Variants in AFG3L2 observed in about 807,000 individuals in gnomAD.
AFG3L2 encodes AFG3 like matrix AAA peptidase subunit 2.
A neutral mutation model predicts 94.5 loss-of-function variants in AFG3L2; 54 were observed. The observed-to-expected ratio is 0.57, with a 90% CI of 0.46 to 0.72. The LOEUF is 0.72. Among genes scored for constraint, AFG3L2 ranks in the 30% least tolerant of loss-of-function variants. The pLI is 0.00. For synonymous variants in AFG3L2, 377 were observed against 365.5 expected (o/e 1.03, Z -0.36); for missense variants, 754 against 994.9 (o/e 0.76, Z 3.26).
intron 16 of AFG3L2, among the ~76,000 whole-genome samples, chr18:12,331,808 A>AATAAATATATAT (rs1389928934): frequency 1.4e-5 from 2 of 146,334 alleles, no homozygotes; most frequent in African/African-American, 5.3e-5. Context: ...TAAATAAATA[A>AATAAATATATAT]ATATATATAT....
chr18:12,329,506 G>T lies in AFG3L2; in HGVS notation c.*59C>A. Reference sequence around the variant, plus strand: ...TCCCATTCTTCTGAAAGCCACAGCTGAAATAATGCACCAGCTGAAACCACA... The same window carrying T: ...TCCCATTCTTCTGAAAGCCACAGCTTAAATAATGCACCAGCTGAAACCACA... On this transcript the variant is annotated 3_prime_UTR_variant, in exon 17 of 17. Transcript: ENST00000269143. The T allele has an allele frequency of 6.5e-7, 1 of 1,541,264 alleles. No individual in the cohort carries two copies. The highest frequency in any genetic ancestry group is 9.0e-7 in the Non-Finnish European group (1 of 1,115,192).
chr18:12,374,009 T>C (rs1366925957), intron 1 of AFG3L2, among the ~76,000 whole-genome samples: 2 of 152,180 alleles, frequency 1.3e-5, no homozygotes, highest in Non-Finnish European at 2.9e-5. Context: ...AGCAAGTCTT[T>C]ATATCACCAT....
At chr18:12,344,681 A>G (rs1908074468) in intron 13 of AFG3L2, among the ~76,000 whole-genome samples, 1 of 151,428 alleles carries the variant, frequency 6.6e-6, no homozygotes, top group South Asian at 2.1e-4. Context: ...CTCAAAAAAA[A>G]AAAAAATTAA....
chr18:12,365,993 G>A (rs1005628586), intron 5 of AFG3L2, among the ~76,000 whole-genome samples: 2 of 149,842 alleles, frequency 1.3e-5, no homozygotes, highest in Non-Finnish European at 2.9e-5. Flanking sequence ...TCCTGCCTCA[G>A]ACTCCCAAAT....
intron 6 of AFG3L2, chr18:12,360,308 C>A (rs2143197212): frequency 4.6e-6 from 2 of 437,484 alleles, no homozygotes; most frequent in South Asian, 6.4e-5. Context: ...ACTCAAAAAA[C>A]AGAATGAAAA....
chr18:12,361,618 G>A (rs993602520), intron 6 of AFG3L2, among the ~76,000 whole-genome samples: 3 of 152,200 alleles, frequency 2.0e-5, no homozygotes, highest in African/African-American at 7.2e-5. Flanking sequence ...CTGCACTCCA[G>A]CCTGGGCGAC....
At chr18:12,339,063 C>A (rs1907848697) in intron 15 of AFG3L2, among the ~76,000 whole-genome samples, 1 of 150,402 alleles carries the variant, frequency 6.6e-6, no homozygotes, top group South Asian at 2.1e-4. Flanking sequence ...ACCATCCTGG[C>A]TAACACAGTG....
intron 16 of AFG3L2, 126 bp from the exon 17 acceptor site, chr18:12,329,909 T>C: frequency 1.2e-6 from 1 of 820,950 alleles, no homozygotes; most frequent in Non-Finnish European, 2.0e-6. Flanking sequence ...AGATGTCTCA[T>C]ACATAAGGTT....
intron 3 of AFG3L2, among the ~76,000 whole-genome samples, chr18:12,368,323 C>G (rs114653966): frequency 0.029 from 4,377 of 152,220 alleles, 203 homozygotes; most frequent in African/African-American, 0.1. Context: ...TGTACCACTG[C>G]ACTCCAGCCT....
intron 9 of AFG3L2, 84 bp from the exon 10 acceptor site, chr18:12,353,242 C>G: frequency 6.5e-7 from 1 of 1,537,012 alleles, no homozygotes; most frequent in Non-Finnish European, 8.9e-7. Context: ...CGGCCGGGCA[C>G]AGTGGCTCAT....
At chr18:12,370,664 G>A (rs1319214062) in intron 3 of AFG3L2, among the ~76,000 whole-genome samples, 185 bp downstream of exon 3, 1 of 151,810 alleles carries the variant, frequency 6.6e-6, no homozygotes, top group East Asian at 1.9e-4. Context: ...TCACCACATT[G>A]CCCAGGCTGG....
intron 9 of AFG3L2, among the ~76,000 whole-genome samples, chr18:12,355,339 A>G (rs528800191): frequency 6.6e-6 from 1 of 152,358 alleles, no homozygotes; most frequent in Admixed American, 6.5e-5. Flanking sequence ...AGCATATACA[A>G]GATGTTCAAC....
intron 16 of AFG3L2, among the ~76,000 whole-genome samples, chr18:12,331,813 ATATATATATATATATATATATATATAT>A (rs1907538882): frequency 3.3e-4 from 1 of 3,024 alleles, no homozygotes; most frequent in African/African-American, 4.5e-4. Flanking sequence ...AAATAAATAT[ATATATATATATATATATATATATATAT>A]ATATATATAT....
At position 12,367,292 on chromosome 18, in the gene AFG3L2, C is replaced by T; in HGVS notation, c.383G>A (p.Trp128Ter). The T allele has an allele frequency of 6.2e-7, 1 of 1,614,178 alleles. No individual in the cohort carries two copies. Residue 128 changes from tryptophan (W) to a stop codon, truncating the protein, a stop_gained, in exon 4 of 17, where the codon TGG (tryptophan) becomes TAG (stop). Transcript: ENST00000269143. LOFTEE classifies it high-confidence loss of function. Reference protein sequence around the residue: ...RGGKKDDSHWWSRFQKGDIPW... With the variant: ...RGGKKDDSHW ...GCATCAAACCTTCTGAAACCTGGAC[C>T]ACCAGTGAGAATCATCTTTCTTGCC...
At chr18:12,356,853 TTAC>T in intron 8 of AFG3L2, 22 bp from the exon 9 acceptor site, 1 of 1,612,356 alleles carries the variant, frequency 6.2e-7, no homozygotes, top group South Asian at 1.1e-5. Flanking sequence ...AAAAAAGAAA[TTAC>T]ATTTAATGAG....
At position 12,371,673 on chromosome 18, in the gene AFG3L2, T is replaced by C; in HGVS notation, c.133A>G (p.Thr45Ala). Residue 45 changes from threonine to alanine, a missense_variant, in exon 2 of 17, where the codon ACT (threonine) becomes GCT (alanine). Thr to Ala is a moderately conservative substitution (Grantham distance 58, BLOSUM62 0). Coordinates refer to ENST00000269143, the MANE Select transcript of AFG3L2 (RefSeq NM_006796.3). ...GAATTTCTGCTGGCCCTTGCTTGAGTTGTAACAAATCGGTAAAGCTGCAAC... is the reference window on the plus strand; with the variant it reads ...GAATTTCTGCTGGCCCTTGCTTGAGCTGTAACAAATCGGTAAAGCTGCAAC... ...CLRTLYRFVT[T>A]QARASRNSLL... is the part of the protein sequence containing the mutation. 2 of 1,613,978 alleles carry C rather than the reference T, an allele frequency of 1.2e-6. No individual in the cohort carries two copies. The highest frequency in any genetic ancestry group is 1.1e-5 in the South Asian group (1 of 91,082).
intron 6 of AFG3L2, among the ~76,000 whole-genome samples, chr18:12,361,007 G>T (rs1419384294): frequency 6.6e-6 from 1 of 152,142 alleles, no homozygotes; most frequent in Non-Finnish European, 1.5e-5. Context: ...AAAAAACTTT[G>T]TTTCTCCTCT....
rs9966470 is a variant in AFG3L2 at position 12,353,179 on chromosome 18, A to T, written c.1165-21T>A. 180,883 of 1,612,968 alleles carry T rather than the reference A, an allele frequency of 0.11. 10,828 individuals are homozygous for T. The highest frequency in any genetic ancestry group is 0.18 in the East Asian group (8,041 of 44,850). ...CGGACCTTGGCAAAAACAGAAAGAGAGTCACCTGACCAGAGAATATTATGT... is the reference window on the plus strand; with the variant it reads ...CGGACCTTGGCAAAAACAGAAAGAGTGTCACCTGACCAGAGAATATTATGT... On this transcript the variant is annotated intron_variant, in intron 9 of 16. Coordinates refer to ENST00000269143, the MANE Select transcript of AFG3L2 (RefSeq NM_006796.3).
At chr18:12,356,182 C>CA (rs1491428330) in intron 9 of AFG3L2, among the ~76,000 whole-genome samples, 3 of 148,584 alleles carry the variant, frequency 2.0e-5, no homozygotes, top group Non-Finnish European at 3.0e-5. Flanking sequence ...GACAGCGTCT[C>CA]ACTCTGTTGC....
Sources: allele counts gnomAD v4.1 joint callset (sites outside exome capture counted in the v4.1 genomes callset), GRCh38; gene constraint gnomAD v4.1.1; transcripts MANE v1.5; gene names NCBI Gene and HGNC (gene_info 2026-07-23, HGNC 2026-07-21).